Variants in CCL25 observed in about 807,000 individuals in gnomAD.
The protein encoded by CCL25 is C-C motif chemokine ligand 25.
Under a neutral mutation model 19.9 loss-of-function variants are expected in CCL25, and 14 were observed. That is an observed-to-expected ratio of 0.70 (90% CI 0.47 to 1.10). The LOEUF (loss-of-function observed/expected upper bound fraction) is 1.10, where lower values mean the gene tolerates loss of function less well. Among genes scored for constraint, CCL25 ranks in the 50% least tolerant of loss-of-function variants. The pLI, the probability that CCL25 is intolerant of heterozygous loss-of-function variation, is 0.00. For missense variants in CCL25, 151 were observed against 181.2 expected, an observed-to-expected ratio of 0.83 and a Z score of 0.96; for synonymous variants, 68 against 73.2, an observed-to-expected ratio of 0.93 and a Z score of 0.36.
At position 8,056,251 on chromosome 19, in the gene CCL25, G is replaced by T; in HGVS notation, c.173G>T (p.Cys58Phe). ...TYRIQEVSGS[C>F]NLPAAIFYLP... Reference sequence around the variant, plus strand: ...CGGATCCAGGAGGTGAGCGGGAGCTGCAATCTGCCTGCTGCGATGTGAGTG... The same window carrying T: ...CGGATCCAGGAGGTGAGCGGGAGCTTCAATCTGCCTGCTGCGATGTGAGTG... Residue 58 changes from cysteine (C) to phenylalanine (F), a missense_variant, in exon 3 of 6, where the codon TGC (cysteine) becomes TTC (phenylalanine). Cys to Phe is a radical substitution (Grantham distance 205, BLOSUM62 -2). Coordinates refer to ENST00000315626, the MANE Select transcript of CCL25 (RefSeq NM_005624.4). 1 of 1,512,824 alleles carries T rather than the reference G, an allele frequency of 6.6e-7. No homozygotes were observed. The highest frequency in any genetic ancestry group is 1.1e-5 in the South Asian group (1 of 87,260). 93.7% of individuals were successfully genotyped at this position (1,512,824 alleles called of 1,614,324 possible). A position where few individuals can be genotyped will look rare whatever the true frequency, so the allele number is the denominator to read the frequency against.
At position 8,056,275 on chromosome 19, in the gene CCL25, T is replaced by C. The variant is rs1309544747; in HGVS notation, c.191+6T>C. On this transcript the variant is annotated splice_donor_region_variant and intron_variant, in intron 3 of 5. Coordinates refer to ENST00000315626, the MANE Select transcript of CCL25 (RefSeq NM_005624.4). ...TGCAATCTGCCTGCTGCGATGTGAGTGGGGCCGTGGGGGCTGGGGGGGTGG... is the reference window on the plus strand; with the variant it reads ...TGCAATCTGCCTGCTGCGATGTGAGCGGGGCCGTGGGGGCTGGGGGGGTGG... 1.9e-6 allele frequency: 1 copy of C among 521,122 alleles called. No individual in the cohort carries two copies. Among genetic ancestry groups the C allele is most frequent in the Admixed American group, 3.0e-5 (1 of 33,150 alleles). The allele number at this position is 521,122 out of a possible 1,614,324, so 32.3% of individuals were successfully genotyped here. A position where few individuals can be genotyped will look rare whatever the true frequency, so the allele number is the denominator to read the frequency against.
chr19:8,057,181 G>C (rs2081278861), intron 4 of CCL25, among the ~76,000 whole-genome samples: 1 of 151,996 alleles, frequency 6.6e-6, no homozygotes, highest in African/African-American at 2.4e-5. Context: ...CACCACGCCT[G>C]GCTAATTTTT....
intron 2 of CCL25, among the ~76,000 whole-genome samples, chr19:8,053,715 T>G (rs2081249196): frequency 6.6e-6 from 1 of 151,508 alleles, no homozygotes; most frequent in South Asian, 2.1e-4. Context: ...GCCCGGCTAA[T>G]TTTTGTATTT....
chr19:8,058,525 A>G (rs1336797408), intron 5 of CCL25, among the ~76,000 whole-genome samples: 2 of 115,258 alleles, frequency 1.7e-5, no homozygotes, highest in Non-Finnish European at 3.4e-5. Context: ...TATAATATAT[A>G]AATAATATAT....
At chr19:8,055,487 C>T (rs1253057811) in intron 2 of CCL25, among the ~76,000 whole-genome samples, 2 of 151,512 alleles carry the variant, frequency 1.3e-5, no homozygotes, top group East Asian at 2.0e-4. Flanking sequence ...AGGCGCCCAC[C>T]ACCACACCCG....
At chr19:8,062,087 A>T in intron 5 of CCL25, 131 bp from the exon 6 acceptor site, 1 of 732,842 alleles carries the variant, frequency 1.4e-6, no homozygotes, top group Non-Finnish European at 2.3e-6. Context: ...AAAAGATTCT[A>T]GCACTCCTAT....
intron 5 of CCL25, among the ~76,000 whole-genome samples, chr19:8,058,804 G>A (rs1247790598): frequency 4.3e-5 from 6 of 139,208 alleles, no homozygotes; most frequent in Non-Finnish European, 6.1e-5. Context: ...GACTACAGGC[G>A]CCCGCCACCA....
rs2287936 is a variant in CCL25, at chr19:8,062,447, G to A, written c.*222G>A. The A allele has an allele frequency of 0.089, 50,413 of 567,768 alleles. 2,697 individuals are homozygous for A. The highest frequency in any genetic ancestry group is 0.18 in the Admixed American group (5,902 of 32,980). The allele number at this position is 567,768 out of a possible 1,614,324, so 35.2% of individuals were successfully genotyped here. A position where few individuals can be genotyped will look rare whatever the true frequency, so the allele number is the denominator to read the frequency against. ...ATTTTAAGCCTTTTGCCGCTCCGGG[G>A]ACCAGCAGCAATCCTGGGCAGCCAG... On this transcript the variant is annotated 3_prime_UTR_variant, in exon 6 of 6. Coordinates refer to ENST00000315626, the MANE Select transcript of CCL25 (RefSeq NM_005624.4).
chr19:8,054,598 A>C (rs2081255669), intron 2 of CCL25, among the ~76,000 whole-genome samples: 1 of 151,744 alleles, frequency 6.6e-6, no homozygotes, highest in South Asian at 2.1e-4. Context: ...CCACTATCTC[A>C]TCAGCTCATC....
At chr19:8,062,068 A>AAAAT in intron 5 of CCL25, 150 bp from the exon 6 acceptor site, 1 of 604,090 alleles carries the variant, frequency 1.7e-6, no homozygotes, top group Admixed American at 3.2e-5. Flanking sequence ...AAAAAAAAAA[A>AAAAT]GTTAGCATAA....
intron 2 of CCL25, among the ~76,000 whole-genome samples, chr19:8,054,392 C>T (rs888410862): frequency 6.6e-6 from 1 of 152,218 alleles, no homozygotes; most frequent in African/African-American, 2.4e-5. Context: ...GAGGTTCCAA[C>T]AGAATGCGCT....
At position 8,053,036 on chromosome 19, in the gene CCL25, G is replaced by A; in HGVS notation, c.-14G>A. On this transcript the variant is annotated 5_prime_UTR_variant, in exon 2 of 6. Transcript: ENST00000315626. ...ATTCGTCCAGGTGCCCAGGGAGGAG[G>A]ACCCGCCTGCAGCATGAACCTGTGG... 1 of 1,545,874 alleles carries A rather than the reference G, an allele frequency of 6.5e-7. No homozygotes were observed. The highest frequency in any genetic ancestry group is 8.7e-7 in the Non-Finnish European group (1 of 1,144,372).
intron 2 of CCL25, among the ~76,000 whole-genome samples, chr19:8,055,784 T>C (rs934594747): frequency 6.6e-6 from 1 of 152,124 alleles, no homozygotes; most frequent in Non-Finnish European, 1.5e-5. Context: ...AATCAGCTCA[T>C]TTTTAGGAGG....
chr19:8,055,485 A>C (rs540580531), intron 2 of CCL25, among the ~76,000 whole-genome samples: 1 of 150,946 alleles, frequency 6.6e-6, no homozygotes, highest in Non-Finnish European at 1.5e-5. Context: ...CCAGGCGCCC[A>C]CCACCACACC....
Position 8,062,502 on chromosome 19 carries a change from T to C in CCL25, c.*277T>C. On this transcript the variant is annotated 3_prime_UTR_variant, in exon 6 of 6. Coordinates refer to ENST00000315626, the MANE Select transcript of CCL25 (RefSeq NM_005624.4). ...TCTTGTAGAGAAGACTTAGGATACC[T>C]CTCTCACTTTCTGTTTCTTGCCGTC... 1 of 483,086 alleles carries C rather than the reference T, an allele frequency of 2.1e-6. No homozygotes were observed. Among genetic ancestry groups the C allele is most frequent in the Non-Finnish European group, 3.7e-6 (1 of 267,926 alleles). The allele number at this position is 483,086 out of a possible 1,614,324, so 29.9% of individuals were successfully genotyped here. A position where few individuals can be genotyped will look rare whatever the true frequency, so the allele number is the denominator to read the frequency against.
intron 5 of CCL25, among the ~76,000 whole-genome samples, chr19:8,058,344 AATAT>A (rs34200206): frequency 1.2e-5 from 1 of 86,600 alleles, no homozygotes; most frequent in Non-Finnish European, 2.5e-5. Context: ...AAATATATAT[AATAT>A]ATATAAGTAA....
In CCL25 at chr19:8,062,210, T is replaced by C. The variant is rs2081323014; in HGVS notation, c.446-8T>C. ...ATTTTACTTCGGCCTCTCTCATTGCTTCTGCAGGACTGTGAGCCGGCTCAT... is the reference window on the plus strand; with the variant it reads ...ATTTTACTTCGGCCTCTCTCATTGCCTCTGCAGGACTGTGAGCCGGCTCAT... On this transcript the variant is annotated splice_region_variant and splice_polypyrimidine_tract_variant and intron_variant, in intron 5 of 5. Transcript: ENST00000315626. 6.2e-7 allele frequency: 1 copy of C among 1,612,986 alleles called. No homozygotes were observed.
In CCL25 at chr19:8,057,850, ATCG is replaced by A. The variant is rs781270817; in HGVS notation, c.378_380del (p.Ser127del). ...TGAGTTCTGGAAACTCCAAGTTATC[ATCG>A]TCCAAGTTTAGCAATCCCATCAGCA... is the stretch of plus-strand genomic sequence containing the variant. On this transcript the variant is annotated inframe_deletion, in exon 5 of 6. Transcript: ENST00000315626. 4 of 1,613,536 alleles carry A rather than the reference ATCG, an allele frequency of 2.5e-6. No individual in the cohort carries two copies. In the African/African-American group the frequency reaches 5.3e-5, roughly 22 times the overall value.
chr19:8,053,760 A>G (rs893384029), intron 2 of CCL25, among the ~76,000 whole-genome samples: 4 of 151,618 alleles, frequency 2.6e-5, no homozygotes, highest in Non-Finnish European at 5.9e-5. Flanking sequence ...TGTTGGCCAG[A>G]GTAGTCTCGA....
Sources: allele counts gnomAD v4.1 joint callset (sites outside exome capture counted in the v4.1 genomes callset), GRCh38; gene constraint gnomAD v4.1.1; transcripts MANE v1.5; gene names NCBI Gene and HGNC (gene_info 2026-07-23, HGNC 2026-07-21).